The following MYO10 variants were observed in gnomAD, a reference collection of about 807,000 sequenced individuals.
The protein encoded by MYO10 is myosin X, also known as unconventional myosin-X.
MYO10 carries 133 observed loss-of-function variants against 257.3 expected under a neutral mutation model. The observed-to-expected ratio is 0.52, with a 90% CI of 0.45 to 0.60. The LOEUF (loss-of-function observed/expected upper bound fraction) is 0.60. Ranked by LOEUF, MYO10 falls within the 20% of genes least tolerant of loss-of-function variation. The pLI is 0.00. For synonymous variants in MYO10, 1,104 were observed against 1,028.6 expected (o/e 1.07, Z -1.40); for missense variants, 2,399 against 2,635.7 (o/e 0.91, Z 1.97).
At chr5:16,752,487 T>C (rs1490433193) in intron 19 of MYO10, among the ~76,000 whole-genome samples, 9 of 152,220 alleles carry the variant, frequency 5.9e-5, no homozygotes, top group African/African-American at 1.9e-4. Context: ...TTCATCATGT[T>C]GGCCAGGCTG....
chr5:16,851,576 T>G (rs1743801979), intron 2 of MYO10, among the ~76,000 whole-genome samples: 1 of 152,146 alleles, frequency 6.6e-6, no homozygotes, highest in Non-Finnish European at 1.5e-5. Flanking sequence ...GGTGATCTCT[T>G]TAGTGCCCAG....
chr5:16,866,119 CT>C (rs1230634699), intron 2 of MYO10, among the ~76,000 whole-genome samples: 2 of 151,150 alleles, frequency 1.3e-5, no homozygotes, highest in African/African-American at 4.9e-5. Flanking sequence ...ATTCATTTTC[CT>C]TTCAATTCAA....
chr5:16,916,405 T>TAA (rs71596001), intron 1 of MYO10: 1,145 of 104,246 alleles, frequency 0.011, 17 homozygotes, highest in East Asian at 0.034. Flanking sequence ...AGCCATGAAG[T>TAA]AAAAAAAAAA....
intron 3 of MYO10, among the ~76,000 whole-genome samples, chr5:16,812,662 G>A (rs1018528751): frequency 1.3e-5 from 2 of 152,146 alleles, no homozygotes; most frequent in Non-Finnish European, 2.9e-5. Flanking sequence ...AGCCAAGTTC[G>A]AGGCAGGAAC....
intron 2 of MYO10, among the ~76,000 whole-genome samples, chr5:16,840,186 G>A (rs1308443437): frequency 6.6e-6 from 1 of 152,206 alleles, no homozygotes; most frequent in Admixed American, 6.5e-5. Context: ...GCTTAGGTGG[G>A]TGGATCACTT....
chr5:16,678,373 A>G (rs1736833809), intron 33 of MYO10, among the ~76,000 whole-genome samples: 1 of 151,984 alleles, frequency 6.6e-6, no homozygotes, highest in African/African-American at 2.4e-5. Context: ...TGAGGTCAGG[A>G]GTTGGAGTCT....
intron 19 of MYO10, among the ~76,000 whole-genome samples, chr5:16,720,106 C>T (rs1348812482): frequency 1.3e-5 from 2 of 151,390 alleles, no homozygotes; most frequent in South Asian, 4.2e-4. Flanking sequence ...AAGAGCAAAC[C>T]CAGTCCCTGC....
chr5:16,738,383 G>C, intron 19 of MYO10: 1 of 985,484 alleles, frequency 1.0e-6, no homozygotes, highest in Non-Finnish European at 1.2e-6. Flanking sequence ...AGGGTAGCAA[G>C]TGCAGCCTTG....
intron 28 of MYO10, among the ~76,000 whole-genome samples, chr5:16,686,621 G>A (rs1442309171): frequency 2.6e-5 from 4 of 151,566 alleles, no homozygotes; most frequent in Non-Finnish European, 4.4e-5. Context: ...TGCAACCTCC[G>A]CCTCCCGGGT....
chr5:16,854,471 C>T (rs1216292324), intron 2 of MYO10, among the ~76,000 whole-genome samples: 3 of 152,120 alleles, frequency 2.0e-5, no homozygotes, highest in Non-Finnish European at 4.4e-5. Flanking sequence ...TTGTTTGATT[C>T]CATTTGTAAG....
intron 14 of MYO10, 126 bp from the exon 15 acceptor site, chr5:16,762,763 A>T: frequency 1.6e-6 from 1 of 641,492 alleles, no homozygotes; most frequent in Non-Finnish European, 2.7e-6. Context: ...CAGGAGTTCC[A>T]GACCAGCCTG....
At chr5:16,925,498 C>T (rs1192360839) in intron 1 of MYO10, among the ~76,000 whole-genome samples, 1 of 152,144 alleles carries the variant, frequency 6.6e-6, no homozygotes, top group Non-Finnish European at 1.5e-5. Context: ...GCAACCTCTG[C>T]CTCCTGGGTT....
At chr5:16,762,192 A>G in intron 15 of MYO10, 79 bp from the exon 16 acceptor site, 4 of 1,421,214 alleles carry the variant, frequency 2.8e-6, no homozygotes, top group South Asian at 1.6e-5. Flanking sequence ...TCCAGAGAAC[A>G]CTAAATACAA....
In MYO10 at chr5:16,663,442, T is replaced by C. The variant is rs1209321226; in HGVS notation, c.*3250A>G. ...ACTAGATTGTCAGCGTCTGAAGTGA[T>C]AAAATACTTTATGCTGGTGCCTCCT... is the stretch of plus-strand genomic sequence containing the variant. On this transcript the variant is annotated 3_prime_UTR_variant, in exon 41 of 41. Coordinates refer to ENST00000513610, the MANE Select transcript of MYO10 (RefSeq NM_012334.3). 6.7e-6 allele frequency: 1 copy of C among 148,298 alleles called. No homozygotes were observed. Among genetic ancestry groups the C allele is most frequent in the Non-Finnish European group, 1.5e-5 (1 of 67,534 alleles). 9.2% of individuals were successfully genotyped at this position (148,298 alleles called of 1,614,324 possible).
In MYO10 at chr5:16,843,468, G is replaced by C. The variant is rs1743543490; in HGVS notation, c.121-25301C>G. ...ATCCCAAAAGACTGAAGCCCACAGA[G>C]CTTAAAAATCTTGCCCAGGGTCCCA... is the stretch of plus-strand genomic sequence containing the variant. On this transcript the variant is annotated intron_variant, in intron 2 of 40. Transcript: ENST00000513610. Among the ~76,000 whole-genome samples the C allele has an allele frequency of 5.1e-5, 7 of 136,918 alleles. No individual in the cohort carries two copies. The South Asian group carries it at 1.6e-3, about 31-fold the overall frequency. 89.8% of individuals were successfully genotyped at this position (136,918 alleles called of 152,430 possible). A position where few individuals can be genotyped will look rare whatever the true frequency, so the allele number is the denominator to read the frequency against.
intron 26 of MYO10, among the ~76,000 whole-genome samples, chr5:16,695,300 C>T (rs995835254): frequency 6.6e-6 from 1 of 152,266 alleles, no homozygotes; most frequent in African/African-American, 2.4e-5. Flanking sequence ...TACCACTAGA[C>T]TCCAGCCTGG....
intron 37 of MYO10, among the ~76,000 whole-genome samples, chr5:16,671,769 A>G (rs1736476296): frequency 6.6e-6 from 1 of 152,236 alleles, no homozygotes; most frequent in African/African-American, 2.4e-5. Context: ...TTAACCAGCT[A>G]ACAAGTGTTT....
chr5:16,692,093 C>G (rs578108754), intron 27 of MYO10, among the ~76,000 whole-genome samples: 4 of 152,250 alleles, frequency 2.6e-5, no homozygotes, highest in Admixed American at 6.5e-5. Flanking sequence ...TAAAACCAAC[C>G]CAAACCAACA....
chr5:16,919,642 G>GT (rs1745925511), intron 1 of MYO10, among the ~76,000 whole-genome samples: 1 of 152,176 alleles, frequency 6.6e-6, no homozygotes, highest in Admixed American at 6.5e-5. Context: ...CTAGCCCATG[G>GT]TAAGTGTCCA....
Sources: allele counts gnomAD v4.1 joint callset (sites outside exome capture counted in the v4.1 genomes callset), GRCh38; gene constraint gnomAD v4.1.1; transcripts MANE v1.5; gene names NCBI Gene and HGNC (gene_info 2026-07-23, HGNC 2026-07-21).